Variants in CDH4 observed in about 807,000 individuals in gnomAD.
The protein encoded by CDH4 is cadherin-4.
In CDH4, 33 loss-of-function variants were observed where a neutral mutation model predicts 86.0. The ratio of observed to expected loss-of-function variants is 0.38; its 90% CI spans 0.29 to 0.51. The LOEUF (loss-of-function observed/expected upper bound fraction) is 0.51, where lower values mean the gene tolerates loss of function less well. Ranked by LOEUF, CDH4 falls within the 20% of genes least tolerant of loss-of-function variation. The pLI, the probability that CDH4 is intolerant of heterozygous loss-of-function variation, is 0.86. For synonymous variants in CDH4, 555 were observed against 549.4 expected (o/e 1.01, Z -0.14); for missense variants, 1,114 against 1,307.4 (o/e 0.85, Z 2.28).
chr20:61,357,803 G>T (rs1423486870), intron 2 of CDH4, among the ~76,000 whole-genome samples: 3 of 152,212 alleles, frequency 2.0e-5, no homozygotes, highest in African/African-American at 7.2e-5. Context: ...AGACCCGTGT[G>T]CCAGCCAGGA....
rs1379367011 is a variant in CDH4 at position 61,517,492 on chromosome 20, G to GC, written c.170-226069dup. Among the ~76,000 whole-genome samples, 1 of 152,192 alleles carries GC rather than the reference G, an allele frequency of 6.6e-6. No individual in the cohort carries two copies. The highest frequency in any genetic ancestry group is 1.5e-5 in the Non-Finnish European group (1 of 68,040). On this transcript the variant is annotated intron_variant, in intron 2 of 15. Transcript: ENST00000614565. The surrounding 1 kb of genome is among the most constrained non-coding windows in gnomAD (Gnocchi z 6.6). ...TTGCAGGTATGAGCCACCATGCCTG[G>GC]CCTATAGACTTTTGTGTCTGGCGGC...
intron 2 of CDH4, among the ~76,000 whole-genome samples, chr20:61,586,858 C>A (rs1380596669): frequency 6.6e-6 from 1 of 152,180 alleles, no homozygotes; most frequent in Non-Finnish European, 1.5e-5. Context: ...AAAAAATAAT[C>A]CACTGAGGCA....
At chr20:61,555,005 G>C (rs2086166094) in intron 2 of CDH4, among the ~76,000 whole-genome samples, 1 of 152,214 alleles carries the variant, frequency 6.6e-6, no homozygotes, top group African/African-American at 2.4e-5. Flanking sequence ...TGCCCTCCCA[G>C]TATTGCCCAT....
At chr20:61,891,972 C>A in intron 7 of CDH4, among the ~76,000 whole-genome samples, 1 of 152,174 alleles carries the variant, frequency 6.6e-6, no homozygotes, top group East Asian at 1.9e-4. Flanking sequence ...CAAACGTCTT[C>A]TATAAAGTAC....
intron 2 of CDH4, among the ~76,000 whole-genome samples, chr20:61,362,471 G>A (rs1411997158): frequency 6.6e-6 from 1 of 151,260 alleles, no homozygotes; most frequent in Non-Finnish European, 1.5e-5. Flanking sequence ...GGACAGCGTA[G>A]GGGAGAGCAG....
intron 2 of CDH4, among the ~76,000 whole-genome samples, chr20:61,635,200 T>G (rs2086934202): frequency 6.6e-6 from 1 of 152,178 alleles, no homozygotes; most frequent in South Asian, 2.1e-4. Flanking sequence ...GGTTTAATTG[T>G]GTAAGGAACT....
rs374643675 is a variant in CDH4, at chr20:61,786,870, T to C, written c.576+13688T>C. ...CCAGGACTGCTGACCAGACATTGTC[T>C]AGGTGCTAATGCGTGGGCTCCCAGG... On this transcript the variant is annotated intron_variant, in intron 4 of 15. Coordinates refer to ENST00000614565, the MANE Select transcript of CDH4 (RefSeq NM_001794.5). 1.0e-3 allele frequency among the ~76,000 whole-genome samples: 153 copies of C among 152,306 alleles called. 3 individuals carry two copies. The South Asian group carries it at 0.029, about 29-fold the overall frequency.
intron 2 of CDH4, among the ~76,000 whole-genome samples, chr20:61,481,309 A>G (rs1001446748): frequency 6.6e-6 from 1 of 152,158 alleles, no homozygotes; most frequent in African/African-American, 2.4e-5. Flanking sequence ...CCCCCCAACA[A>G]CACAATTTCC....
In CDH4 at chr20:61,676,334, C is replaced by G. The variant is rs973893863; in HGVS notation, c.170-67229C>G. The stretch of plus-strand genomic sequence containing the variant: ...ATAGTGCGATTGAATACTGCGGCCC[C>G]CAGAGGAGGTGGGATTGCATTAGCA... On this transcript the variant is annotated intron_variant, in intron 2 of 15. Coordinates refer to ENST00000614565, the MANE Select transcript of CDH4 (RefSeq NM_001794.5). The surrounding 1 kb of genome is among the most constrained non-coding windows in gnomAD (Gnocchi z 4.5). Among the ~76,000 whole-genome samples the G allele has an allele frequency of 4.4e-4, 67 of 152,198 alleles. No individual in the cohort carries two copies. The highest frequency in any genetic ancestry group is 1.5e-3 in the South Asian group (7 of 4,824).
At chr20:61,677,687 GGACGGACA>G (rs1322716678) in intron 2 of CDH4, among the ~76,000 whole-genome samples, 95 of 151,892 alleles carry the variant, frequency 6.3e-4, no homozygotes, top group African/African-American at 2.1e-3. Context: ...ACAGACGGAC[GGACGGACA>G]GACGGACGGA....
chr20:61,909,580 C>G (rs2054827675), intron 8 of CDH4, among the ~76,000 whole-genome samples: 1 of 152,208 alleles, frequency 6.6e-6, no homozygotes, highest in South Asian at 2.1e-4. Context: ...GCTGGCCACC[C>G]TGGTGTTCCT....
At chr20:61,500,984 T>C (rs1453505270) in intron 2 of CDH4, among the ~76,000 whole-genome samples, 1 of 152,200 alleles carries the variant, frequency 6.6e-6, no homozygotes, top group African/African-American at 2.4e-5. Context: ...TATCTCTCCT[T>C]GACATCGTGT....
intron 2 of CDH4, among the ~76,000 whole-genome samples, chr20:61,512,562 A>G (rs1321004130): frequency 6.6e-6 from 1 of 152,210 alleles, no homozygotes; most frequent in Non-Finnish European, 1.5e-5. Context: ...GACCAAAAGT[A>G]GGTCATGGGA....
At chr20:61,936,426 C>CT (rs1254205180) in intron 15 of CDH4, among the ~76,000 whole-genome samples, 6 of 62,510 alleles carry the variant, frequency 9.6e-5, no homozygotes, top group Non-Finnish European at 1.9e-4. Context: ...ACACCCCCCC[C>CT]CCCATCTGCC....
chr20:61,354,069 T>C (rs972640586), intron 2 of CDH4, among the ~76,000 whole-genome samples: 1 of 152,030 alleles, frequency 6.6e-6, no homozygotes, highest in Non-Finnish European at 1.5e-5. Flanking sequence ...AGGGGTGATT[T>C]TGCCCTCAAG....
chr20:61,882,793 C>G (rs988933400), intron 7 of CDH4, among the ~76,000 whole-genome samples: 1 of 152,196 alleles, frequency 6.6e-6, no homozygotes, highest in African/African-American at 2.4e-5. Flanking sequence ...GAGGGTTTCC[C>G]GGCACCCCAG....
intron 4 of CDH4, among the ~76,000 whole-genome samples, chr20:61,814,154 C>T (rs1389505219): frequency 6.6e-6 from 1 of 152,246 alleles, no homozygotes; most frequent in African/African-American, 2.4e-5. Context: ...ACCTGTGTGT[C>T]CTCCATCTGT....
At chr20:61,659,795 G>GC (rs2087233357) in intron 2 of CDH4, among the ~76,000 whole-genome samples, 1 of 152,234 alleles carries the variant, frequency 6.6e-6, no homozygotes, top group Non-Finnish European at 1.5e-5. Flanking sequence ...CGGCCCAGGA[G>GC]CTGGGGCAGG....
intron 2 of CDH4, among the ~76,000 whole-genome samples, chr20:61,621,967 A>T (rs1036803529): frequency 6.6e-6 from 1 of 152,212 alleles, no homozygotes; most frequent in Non-Finnish European, 1.5e-5. Flanking sequence ...CTGTGTTCCC[A>T]TCCATGTAGG....
Sources: allele counts gnomAD v4.1 joint callset (sites outside exome capture counted in the v4.1 genomes callset), GRCh38; gene constraint gnomAD v4.1.1; non-coding constraint Gnocchi (gnomAD v3.1); transcripts MANE v1.5; gene names NCBI Gene and HGNC (gene_info 2026-07-23, HGNC 2026-07-21).